SMC1B: variants seen among roughly 807,000 people sequenced by gnomAD.
The protein encoded by SMC1B is structural maintenance of chromosomes protein 1B.
A neutral mutation model predicts 157.9 loss-of-function variants in SMC1B; 60 were observed. The observed-to-expected ratio is 0.38, with a 90% CI of 0.31 to 0.47. The LOEUF is 0.47. Ranked by LOEUF, SMC1B falls within the 20% of genes least tolerant of loss-of-function variation. SMC1B has a pLI of 0.99. For synonymous variants in SMC1B, 445 were observed against 483.0 expected (o/e 0.92, Z 1.03); for missense variants, 1,165 against 1,426.2 (o/e 0.82, Z 2.95).
chr22:45,346,211 C>G (rs944066603), intron 23 of SMC1B, among the ~76,000 whole-genome samples: 1 of 152,174 alleles, frequency 6.6e-6, no homozygotes, highest in East Asian at 1.9e-4. Flanking sequence ...CATCTAACAA[C>G]AAGAAGAGCA....
chr22:45,367,697 G>A (rs1349292315), intron 15 of SMC1B, among the ~76,000 whole-genome samples: 1 of 152,182 alleles, frequency 6.6e-6, no homozygotes, highest in Non-Finnish European at 1.5e-5. Context: ...TGGTGAGGAA[G>A]CTGGTTGTCC....
At position 45,371,735 on chromosome 22, in the gene SMC1B, A is replaced by G. The variant is rs1476508426; in HGVS notation, c.2197-148T>C. 5.9e-6 allele frequency: 6 copies of G among 1,020,136 alleles called. No homozygotes were observed. The East Asian group carries it at 1.6e-4, about 27-fold the overall frequency. The allele number at this position is 1,020,136 out of a possible 1,614,324, so 63.2% of individuals were successfully genotyped here. A position where few individuals can be genotyped will look rare whatever the true frequency, so the allele number is the denominator to read the frequency against. ...GGATAAAAGGTTAAATACCACATAAATAATTAAGGGACTATAATATAATCT... is the reference window on the plus strand; with the variant it reads ...GGATAAAAGGTTAAATACCACATAAGTAATTAAGGGACTATAATATAATCT... On this transcript the variant is annotated intron_variant, in intron 13 of 24. Transcript: ENST00000357450.
Position 45,389,572 on chromosome 22 carries a change from A to T in SMC1B, c.1731+140T>A. 7.6e-6 allele frequency: 5 copies of T among 658,886 alleles called. No individual in the cohort carries two copies. In the South Asian group the frequency reaches 9.9e-5, roughly 13 times the overall value. 40.8% of individuals were successfully genotyped at this position (658,886 alleles called of 1,614,324 possible). A position where few individuals can be genotyped will look rare whatever the true frequency, so the allele number is the denominator to read the frequency against. On this transcript the variant is annotated intron_variant, in intron 10 of 24. Coordinates refer to ENST00000357450, the MANE Select transcript of SMC1B (RefSeq NM_148674.5). ...TTCTTTGCTTGCCAATATATTTAACACCAGCCATTAAAATGATTGCCTAAC... is the reference window on the plus strand; with the variant it reads ...TTCTTTGCTTGCCAATATATTTAACTCCAGCCATTAAAATGATTGCCTAAC...
chr22:45,365,578 AC>A (rs1244555936), intron 15 of SMC1B, among the ~76,000 whole-genome samples: 2 of 152,030 alleles, frequency 1.3e-5, no homozygotes, highest in Non-Finnish European at 2.9e-5. Flanking sequence ...GTTGGCACAC[AC>A]CTGTGGTCCC....
At chr22:45,355,915 C>T (rs556441916) in intron 19 of SMC1B, among the ~76,000 whole-genome samples, 7 of 152,010 alleles carry the variant, frequency 4.6e-5, no homozygotes, top group African/African-American at 1.7e-4. Context: ...ACTAAAAATA[C>T]AAAAATTAGC....
In SMC1B at chr22:45,352,547, T is replaced by G; in HGVS notation, c.3329A>C (p.Asn1110Thr). The change falls in exon 22 of 25, where the codon AAC becomes ACC. Residue 1110 changes from asparagine (N) to threonine (T), a missense_variant. Asn to Thr is a moderately conservative substitution (Grantham distance 65, BLOSUM62 0). Coordinates refer to ENST00000357450, the MANE Select transcript of SMC1B (RefSeq NM_148674.5). ...EEPYLEGISY[N>T]CVAPGKRFMP... ...AAACCGTTTGCCTGGGGCCACACAGTTATAGCTAATTCCCTCCAAGTAAGG... is the reference window on the plus strand; with the variant it reads ...AAACCGTTTGCCTGGGGCCACACAGGTATAGCTAATTCCCTCCAAGTAAGG... 1 of 1,613,948 alleles carries G rather than the reference T, an allele frequency of 6.2e-7. No individual in the cohort carries two copies. Among genetic ancestry groups the G allele is most frequent in the Non-Finnish European group, 8.5e-7 (1 of 1,179,868 alleles).
chr22:45,352,526 C>T lies in SMC1B; in HGVS notation c.3350G>A (p.Arg1117Gln), dbSNP rs746948543. ...TGACAAATTGTCCATTGGCATAAAC[C>T]GTTTGCCTGGGGCCACACAGTTATA... Reference protein sequence around the residue: ...ISYNCVAPGKRFMPMDNLSGG... With the variant: ...ISYNCVAPGKQFMPMDNLSGG... The change falls in exon 22 of 25, where the codon CGG becomes CAG. Residue 1117 changes from arginine (R) to glutamine (Q), a missense_variant. Arg to Gln is a conservative substitution (Grantham distance 43). Coordinates refer to ENST00000357450, the MANE Select transcript of SMC1B (RefSeq NM_148674.5). 4 of 1,613,938 alleles carry T rather than the reference C, an allele frequency of 2.5e-6. No homozygotes were observed. The highest frequency in any genetic ancestry group is 2.2e-5 in the South Asian group (2 of 91,072).
intron 8 of SMC1B, 27 bp from the exon 9 acceptor site, chr22:45,393,868 C>G (rs752890352): frequency 6.4e-7 from 1 of 1,555,270 alleles, no homozygotes; most frequent in Non-Finnish European, 8.7e-7. Context: ...AATTATACAG[C>G]AAAATGATAA....
At chr22:45,392,522 G>A (rs1291198411) in intron 9 of SMC1B, among the ~76,000 whole-genome samples, 1 of 146,886 alleles carries the variant, frequency 6.8e-6, no homozygotes, top group African/African-American at 2.5e-5. Context: ...TTGTCACTTG[G>A]ATAGGAATTG....
intron 18 of SMC1B, among the ~76,000 whole-genome samples, chr22:45,359,475 G>A (rs948880374): frequency 6.6e-6 from 1 of 152,214 alleles, no homozygotes; most frequent in African/African-American, 2.4e-5. Context: ...AGAAGGTGCA[G>A]AGCAAGAACC....
intron 12 of SMC1B, among the ~76,000 whole-genome samples, chr22:45,375,858 A>C (rs1257859134): frequency 6.6e-6 from 1 of 152,090 alleles, no homozygotes; most frequent in African/African-American, 2.4e-5. Flanking sequence ...ATATATTTAT[A>C]CTCATAAGGG....
intron 19 of SMC1B, 138 bp downstream of exon 19, chr22:45,358,557 TCC>T: frequency 1.8e-6 from 1 of 545,698 alleles, no homozygotes; most frequent in East Asian, 3.2e-5. Flanking sequence ...ACAGTGTTTT[TCC>T]TTTGTATATT....
At chr22:45,379,823 C>G (rs910958397) in intron 12 of SMC1B, among the ~76,000 whole-genome samples, 3 of 149,428 alleles carry the variant, frequency 2.0e-5, no homozygotes, top group African/African-American at 7.4e-5. Context: ...ACCTCCACCT[C>G]CTGGGTGCAA....
intron 2 of SMC1B, among the ~76,000 whole-genome samples, chr22:45,408,206 A>C (rs2087285939): frequency 6.6e-6 from 1 of 152,022 alleles, no homozygotes; most frequent in African/African-American, 2.4e-5. Flanking sequence ...GCTCACTGCA[A>C]GCTCTGCCTC....
chr22:45,356,218 C>T (rs1173191367), intron 19 of SMC1B, among the ~76,000 whole-genome samples: 3 of 152,112 alleles, frequency 2.0e-5, no homozygotes, highest in Non-Finnish European at 2.9e-5. Flanking sequence ...CTTCTCCATC[C>T]TGGACCACAT....
At chr22:45,399,410 G>A in intron 5 of SMC1B, 57 bp from the exon 6 acceptor site, 1 of 1,467,852 alleles carries the variant, frequency 6.8e-7, no homozygotes, top group Non-Finnish European at 9.2e-7. Context: ...ATATATAAAG[G>A]GAAGAAGTTG....
intron 15 of SMC1B, among the ~76,000 whole-genome samples, chr22:45,363,533 T>C (rs978550114): frequency 1.4e-4 from 22 of 151,976 alleles, no homozygotes; most frequent in African/African-American, 3.9e-4. Context: ...ATACAACAAT[T>C]ATCCAGGCTT....
At position 45,369,903 on chromosome 22, in the gene SMC1B, C is replaced by T. The variant is rs2086814418; in HGVS notation, c.2420+51G>A. On this transcript the variant is annotated intron_variant, in intron 15 of 24. Transcript: ENST00000357450. The stretch of plus-strand genomic sequence containing the variant: ...ATTCCTCTAAATTATGAAATAATAA[C>T]TATTTTTATAAATATGTAAGCTCCT... 9 of 1,022,856 alleles carry T rather than the reference C, an allele frequency of 8.8e-6. No individual in the cohort carries two copies. The South Asian group carries it at 1.4e-4, about 16-fold the overall frequency. 63.4% of individuals were successfully genotyped at this position (1,022,856 alleles called of 1,614,324 possible). A position where few individuals can be genotyped will look rare whatever the true frequency, so the allele number is the denominator to read the frequency against.
At chr22:45,393,515 T>C in intron 9 of SMC1B, 119 bp downstream of exon 9, 1 of 759,172 alleles carries the variant, frequency 1.3e-6, no homozygotes, top group Non-Finnish European at 2.1e-6. Flanking sequence ...TAAAGATGTC[T>C]GAAATAATAT....
Sources: gnomAD v4.1 joint callset for allele counts (sites outside exome capture counted in the v4.1 genomes callset) on GRCh38, gnomAD v4.1.1 for gene constraint, MANE v1.5 for transcripts, NCBI Gene and HGNC (gene_info 2026-07-23, HGNC 2026-07-21) for gene names.